The following RBM19 variants were observed in gnomAD, a reference collection of about 807,000 sequenced individuals.
The protein encoded by RBM19 is probable RNA-binding protein 19.
Under a neutral mutation model 116.8 loss-of-function variants are expected in RBM19, and 94 were observed. The observed-to-expected ratio is 0.80, with a 90% CI of 0.68 to 0.95. The LOEUF is 0.95. RBM19 is among the 40% of genes least tolerant of loss of function. The pLI is 0.00. For synonymous variants in RBM19, 475 were observed against 494.1 expected (o/e 0.96, Z 0.51); for missense variants, 1,161 against 1,220.7 (o/e 0.95, Z 0.73).
At chr12:113,927,878 G>T (rs963418341) in intron 16 of RBM19, among the ~76,000 whole-genome samples, 40 of 152,158 alleles carry the variant, frequency 2.6e-4, no homozygotes, top group Non-Finnish European at 5.4e-4. Flanking sequence ...GACTAGGTAA[G>T]GTAGAGTACC....
At chr12:113,912,460 A>T (rs1165549289) in intron 21 of RBM19, among the ~76,000 whole-genome samples, 1 of 152,222 alleles carries the variant, frequency 6.6e-6, no homozygotes, top group Admixed American at 6.5e-5. Flanking sequence ...AGCAGAGAGG[A>T]GTGGCTCCAA....
At chr12:113,845,485 C>G (rs546439835) in intron 22 of RBM19, among the ~76,000 whole-genome samples, 1 of 152,344 alleles carries the variant, frequency 6.6e-6, no homozygotes, top group South Asian at 2.1e-4. Context: ...ACTATATACA[C>G]TGCTTGTCTG....
chr12:113,847,961 G>C (rs1330549665), intron 22 of RBM19, among the ~76,000 whole-genome samples: 3 of 152,170 alleles, frequency 2.0e-5, no homozygotes, highest in African/African-American at 7.2e-5. Context: ...TGGTAAGAGG[G>C]GTGGTGGCAT....
intron 22 of RBM19, among the ~76,000 whole-genome samples, chr12:113,846,689 T>C (rs1010872866): frequency 1.3e-5 from 2 of 152,124 alleles, no homozygotes; most frequent in Admixed American, 6.6e-5. Flanking sequence ...ACTTCTGGCC[T>C]CCAGAACTGT....
intron 4 of RBM19, 67 bp from the exon 5 acceptor site, chr12:113,959,471 C>G: frequency 6.6e-7 from 1 of 1,509,016 alleles, no homozygotes; most frequent in East Asian, 2.3e-5. Context: ...AGAGAAGGCT[C>G]AGGTGGGGCT....
intron 16 of RBM19, 48 bp downstream of exon 16, chr12:113,936,959 T>C: frequency 2.5e-6 from 4 of 1,598,608 alleles, no homozygotes; most frequent in Non-Finnish European, 3.4e-6. Flanking sequence ...CCTCCTCCTT[T>C]CCCTCACCAG....
intron 23 of RBM19, among the ~76,000 whole-genome samples, chr12:113,835,781 C>T (rs139060493): frequency 5.4e-4 from 83 of 152,352 alleles, no homozygotes; most frequent in African/African-American, 1.8e-3. Flanking sequence ...GTCATGTCTG[C>T]GCTCCCAGCT....
chr12:113,892,107 A>G (rs1243983676), intron 21 of RBM19, among the ~76,000 whole-genome samples: 1 of 152,200 alleles, frequency 6.6e-6, no homozygotes, highest in Non-Finnish European at 1.5e-5. Context: ...TAAGCACTGC[A>G]CTTGGAAGGA....
chr12:113,826,161 A>G (rs1874841862), intron 23 of RBM19, among the ~76,000 whole-genome samples: 3 of 152,064 alleles, frequency 2.0e-5, no homozygotes, highest in African/African-American at 4.8e-5. Flanking sequence ...TTCCCTCCTT[A>G]TTTAAAATTC....
At chr12:113,953,945 C>T (rs139581662) in intron 7 of RBM19, among the ~76,000 whole-genome samples, 33 of 152,334 alleles carry the variant, frequency 2.2e-4, no homozygotes, top group African/African-American at 7.0e-4. Context: ...CCTTTACAGA[C>T]GAAGTCTGCT....
rs116293999 is a variant in RBM19, at chr12:113,950,710, A to C, written c.1001-556T>G. ...ATTCCCCTGCTTTTCTGGAGCATTA[A>C]AGAAATACTCCGAGGGGCACTCGGC... On this transcript the variant is annotated intron_variant, in intron 8 of 23. Coordinates refer to ENST00000261741, the MANE Select transcript of RBM19 (RefSeq NM_016196.4). Among the ~76,000 whole-genome samples the C allele has an allele frequency of 8.6e-3, 1,305 of 152,282 alleles. 15 individuals are homozygous for C. The highest frequency in any genetic ancestry group is 0.03 in the African/African-American group (1,241 of 41,550).
intron 21 of RBM19, among the ~76,000 whole-genome samples, chr12:113,867,737 A>G (rs1027414150): frequency 3.3e-5 from 5 of 152,126 alleles, no homozygotes; most frequent in African/African-American, 4.8e-5. Context: ...CCTGGCCAAC[A>G]TGGTGAAGCC....
At chr12:113,853,405 T>G (rs917202427) in intron 22 of RBM19, among the ~76,000 whole-genome samples, 2 of 152,194 alleles carry the variant, frequency 1.3e-5, no homozygotes, top group African/African-American at 4.8e-5. Flanking sequence ...AAAATAGACC[T>G]TTTAAAACAA....
Position 113,948,816 on chromosome 12 carries a change from G to C in RBM19, c.1276+17C>G. On this transcript the variant is annotated intron_variant, in intron 10 of 23. Transcript: ENST00000261741. ...ATAGCCGCTGGGCTATCCACGGCCC[G>C]GAGGCCACACCCCTACCATATTTGG... is the stretch of plus-strand genomic sequence containing the variant. 6.2e-7 allele frequency: 1 copy of C among 1,613,440 alleles called. No individual in the cohort carries two copies. The highest frequency in any genetic ancestry group is 8.5e-7 in the Non-Finnish European group (1 of 1,179,536).
intron 21 of RBM19, among the ~76,000 whole-genome samples, chr12:113,868,336 A>G (rs947560492): frequency 2.0e-5 from 3 of 152,216 alleles, no homozygotes; most frequent in African/African-American, 7.2e-5. Flanking sequence ...TGAAGGGGGA[A>G]CCCTGTCTGC....
chr12:113,918,336 C>T (rs1475076254), intron 20 of RBM19, 56 bp downstream of exon 20: 39 of 1,587,708 alleles, frequency 2.5e-5, no homozygotes, highest in Admixed American at 5.0e-5. Flanking sequence ...GTGGCCGGCA[C>T]CAAGCACAGG....
intron 21 of RBM19, among the ~76,000 whole-genome samples, chr12:113,894,479 T>C (rs1252854324): frequency 6.6e-6 from 1 of 152,142 alleles, no homozygotes; most frequent in Non-Finnish European, 1.5e-5. Flanking sequence ...GAGGGCTGGG[T>C]GGCAGAGTAA....
intron 2 of RBM19, among the ~76,000 whole-genome samples, chr12:113,961,638 C>T (rs79920119): frequency 0.043 from 6,480 of 152,242 alleles, 337 homozygotes; most frequent in Admixed American, 0.15. Context: ...GATGTTTTTA[C>T]GAAGTCACTA....
At chr12:113,874,329 C>A (rs188689950) in intron 21 of RBM19, among the ~76,000 whole-genome samples, 1 of 152,298 alleles carries the variant, frequency 6.6e-6, no homozygotes, top group Non-Finnish European at 1.5e-5. Flanking sequence ...TGATTTCTGG[C>A]CCCTCTCATG....
Sources: allele counts gnomAD v4.1 joint callset (sites outside exome capture counted in the v4.1 genomes callset), GRCh38; gene constraint gnomAD v4.1.1; transcripts MANE v1.5; gene names NCBI Gene and HGNC (gene_info 2026-07-23, HGNC 2026-07-21).